MICU3: variants seen among roughly 807,000 people sequenced by gnomAD.
MICU3 encodes the protein mitochondrial calcium uptake 3.
Under a neutral mutation model 66.5 loss-of-function variants are expected in MICU3, and 62 were observed. That is an observed-to-expected ratio of 0.93 (90% CI 0.76 to 1.15). MICU3 has a LOEUF of 1.15. Ranked by LOEUF, MICU3 falls within the 50% of genes most tolerant of loss-of-function variation. The pLI, the probability that MICU3 is intolerant of heterozygous loss-of-function variation, is 0.00. For missense variants in MICU3, 779 were observed against 664.4 expected (o/e 1.17, Z -1.90); for synonymous variants, 308 against 240.7 (o/e 1.28, Z -2.59).
At chr8:17,048,431 C>T (rs925246260) in intron 1 of MICU3, among the ~76,000 whole-genome samples, 1 of 152,078 alleles carries the variant, frequency 6.6e-6, no homozygotes, top group Non-Finnish European at 1.5e-5. Flanking sequence ...GGGGGAACGC[C>T]CCTTTATATA....
chr8:17,027,694 G>A (rs1311932692), intron 1 of MICU3, 34 bp downstream of exon 1: 30 of 1,266,288 alleles, frequency 2.4e-5, no homozygotes, highest in Non-Finnish European at 3.0e-5. Context: ...ACCTGCGCGG[G>A]GGATGTGACC....
intron 1 of MICU3, among the ~76,000 whole-genome samples, chr8:17,041,372 T>G (rs1814057345): frequency 6.6e-6 from 1 of 151,736 alleles, no homozygotes. Context: ...TCCAAGGAGG[T>G]CAACTGAGAT....
At chr8:17,126,938 C>A (rs186245059), downstream of MICU3, among the ~76,000 whole-genome samples, 2 of 152,246 alleles carry the variant, frequency 1.3e-5, no homozygotes, top group Non-Finnish European at 2.9e-5. Context: ...ATTCTGGTCA[C>A]ATTTACCATC....
Position 17,090,581 on chromosome 8 carries a change from T to C in MICU3, c.885T>C (p.Asn295=), listed in dbSNP as rs749753732. Residue 295 remains asparagine (N), a synonymous_variant, in exon 8 of 15, where the codon AAT becomes AAC. Transcript: ENST00000318063. ...LQLYGYHSPT[N]SVLKTDAEEL... ...TTTATGGATACCATTCTCCTACTAATAGTGTATGTACAATACTTTAAATGT... is the reference window on the plus strand; with the variant it reads ...TTTATGGATACCATTCTCCTACTAACAGTGTATGTACAATACTTTAAATGT... 2.5e-6 allele frequency: 4 copies of C among 1,607,978 alleles called. No individual in the cohort carries two copies. Among genetic ancestry groups the C allele is most frequent in the East Asian group, 4.5e-5 (2 of 44,720 alleles).
At chr8:17,107,709 T>C (rs1043137331) in intron 11 of MICU3, among the ~76,000 whole-genome samples, 3 of 152,184 alleles carry the variant, frequency 2.0e-5, no homozygotes, top group African/African-American at 4.8e-5. Flanking sequence ...ATGTAGCCAG[T>C]AAAAATGAAA....
chr8:17,077,970 T>C, intron 4 of MICU3, 109 bp downstream of exon 4: 2 of 539,338 alleles, frequency 3.7e-6, no homozygotes, highest in Non-Finnish European at 6.0e-6. Flanking sequence ...TCTATGTGTA[T>C]GCATAGAGAA....
At chr8:17,098,161 G>A (rs1343293591) in intron 8 of MICU3, among the ~76,000 whole-genome samples, 1 of 151,512 alleles carries the variant, frequency 6.6e-6, no homozygotes, top group Non-Finnish European at 1.5e-5. Context: ...CCCTTTCTTA[G>A]AAGTTACACA....
intron 1 of MICU3, among the ~76,000 whole-genome samples, chr8:17,046,706 C>T (rs1443141431): frequency 2.6e-5 from 4 of 151,946 alleles, no homozygotes; most frequent in South Asian, 4.2e-4. Flanking sequence ...AAGTGAGATG[C>T]CACCTACCTA....
At chr8:17,116,823 T>C (rs1802729944) in intron 13 of MICU3, among the ~76,000 whole-genome samples, 1 of 152,186 alleles carries the variant, frequency 6.6e-6, no homozygotes, top group Admixed American at 6.5e-5. Flanking sequence ...CTTATAATAA[T>C]TTATTTTCAT....
Position 17,105,598 on chromosome 8 carries a change from A to G in MICU3, c.1257+14A>G. On this transcript the variant is annotated intron_variant, in intron 11 of 14. Coordinates refer to ENST00000318063, the MANE Select transcript of MICU3 (RefSeq NM_181723.3). ...CCTGAAGAAAAGGTATCTAATCCTCATATTTAGTTGGTTATGTTACTGTTT... is the reference window on the plus strand; with the variant it reads ...CCTGAAGAAAAGGTATCTAATCCTCGTATTTAGTTGGTTATGTTACTGTTT... 2.1e-6 allele frequency: 3 copies of G among 1,461,908 alleles called. No individual in the cohort carries two copies. Among genetic ancestry groups the G allele is most frequent in the South Asian group, 1.4e-5 (1 of 71,568 alleles). 90.6% of individuals were successfully genotyped at this position (1,461,908 alleles called of 1,614,324 possible). A position where few individuals can be genotyped will look rare whatever the true frequency, so the allele number is the denominator to read the frequency against.
Position 17,111,359 on chromosome 8 carries a change from G to T in MICU3, c.1258-2734G>T, listed in dbSNP as rs1010851852. Among the ~76,000 whole-genome samples the T allele has an allele frequency of 8.6e-5, 13 of 151,808 alleles. No individual in the cohort carries two copies. In the East Asian group the frequency reaches 1.4e-3, roughly 16 times the overall value. On this transcript the variant is annotated intron_variant, in intron 11 of 14. Transcript: ENST00000318063. ...TTTTCTACAGACAGGGTCTCACTCT[G>T]TTACCCAGGCAGGAGTGCAGTGGCA...
At chr8:17,125,612 G>T (rs996632255), downstream of MICU3, among the ~76,000 whole-genome samples, 1 of 152,076 alleles carries the variant, frequency 6.6e-6, no homozygotes, top group Non-Finnish European at 1.5e-5. Context: ...GCCAGATTTC[G>T]CCTGCCTGGC....
intron 2 of MICU3, among the ~76,000 whole-genome samples, chr8:17,065,809 ACT>A (rs1223702291): frequency 1.3e-5 from 2 of 152,082 alleles, no homozygotes; most frequent in African/African-American, 2.4e-5. Flanking sequence ...AGTGTAAAGG[ACT>A]CTCTTACAAT....
intron 1 of MICU3, among the ~76,000 whole-genome samples, chr8:17,031,906 C>CT (rs1812139692): frequency 1.3e-5 from 2 of 152,232 alleles, no homozygotes; most frequent in South Asian, 4.1e-4. Context: ...CAGATAATGT[C>CT]TTTTTTTGTA....
chr8:17,043,009 G>A (rs1390205275), intron 1 of MICU3, among the ~76,000 whole-genome samples: 1 of 125,738 alleles, frequency 8.0e-6, no homozygotes, highest in East Asian at 2.8e-4. Flanking sequence ...GCGCTATCCC[G>A]GCTCACTGCA....
rs190025891 is a variant in MICU3 at position 17,066,608 on chromosome 8, T to A, written c.535+2371T>A. ...CCCGGGCTGGAGTTCAGTGACGTGA[T>A]CACTACTCACTACAACCTCAACCTC... On this transcript the variant is annotated intron_variant, in intron 2 of 14. Transcript: ENST00000318063. Among the ~76,000 whole-genome samples the A allele has an allele frequency of 4.9e-3, 727 of 147,412 alleles. 3 individuals carry two copies. Among genetic ancestry groups the A allele is most frequent in the Non-Finnish European group, 8.4e-3 (567 of 67,316 alleles).
chr8:17,116,179 A>G (rs1445315297), intron 12 of MICU3, among the ~76,000 whole-genome samples: 1 of 152,256 alleles, frequency 6.6e-6, no homozygotes, highest in East Asian at 1.9e-4. Flanking sequence ...CTTCTAAAGT[A>G]TCTGTCACTG....
Position 17,075,350 on chromosome 8 carries a change from T to A in MICU3, c.568-2433T>A, listed in dbSNP as rs182575956. Among the ~76,000 whole-genome samples the A allele has an allele frequency of 1.8e-4, 27 of 152,192 alleles. No individual in the cohort carries two copies. In the East Asian group the frequency reaches 4.4e-3, roughly 25 times the overall value. ...GTAGCCTCTCTCTTCTCCCCAGAGG[T>A]CAAGCTCACTAAAGCCCCAACTCTG... On this transcript the variant is annotated intron_variant, in intron 3 of 14. Transcript: ENST00000318063.
chr8:17,052,222 T>A (rs3844073), intron 1 of MICU3, among the ~76,000 whole-genome samples: 71,240 of 151,922 alleles, frequency 0.47, 20,359 homozygotes, highest in African/African-American at 0.8. Context: ...TTGTTTTTTA[T>A]CATGATACAT....
Sources: gnomAD v4.1 joint callset for allele counts (sites outside exome capture counted in the v4.1 genomes callset) on GRCh38, gnomAD v4.1.1 for gene constraint, MANE v1.5 for transcripts, NCBI Gene and HGNC (gene_info 2026-07-23, HGNC 2026-07-21) for gene names.